Variants in CASP1 observed in about 807,000 individuals in gnomAD.
The protein encoded by CASP1 is caspase 1.
Under a neutral mutation model 41.2 loss-of-function variants are expected in CASP1, and 31 were observed. The observed-to-expected ratio is 0.75, with a 90% confidence interval of 0.57 to 1.02. The LOEUF (loss-of-function observed/expected upper bound fraction) is 1.02. CASP1 is among the 50% of genes least tolerant of loss of function. The pLI is 0.00. For synonymous variants in CASP1, 163 were observed against 166.5 expected (o/e 0.98, Z 0.16); for missense variants, 490 against 495.7 (o/e 0.99, Z 0.11).
At chr11:105,027,481 A>T (rs1313667928) in intron 7 of CASP1, among the ~76,000 whole-genome samples, 4 of 152,154 alleles carry the variant, frequency 2.6e-5, no homozygotes, top group African/African-American at 9.7e-5. Context: ...TGGAGGAAAA[A>T]AGTTCTTATG....
Position 105,026,352 on chromosome 11 carries a change from C to A in CASP1, c.1121G>T (p.Arg374Leu). Residue 374 changes from arginine (R) to leucine (L), a missense_variant, in exon 9 of 9, where the codon CGA becomes CTA. Coordinates refer to ENST00000533400, the MANE Select transcript of CASP1 (RefSeq NM_001257118.3). Reference sequence around the variant, plus strand: ...ACCATCTGGCTGCTCAAATGAAAATCGAACCTAAAAGAGTAAGGAAAGTCT... The same window carrying A: ...ACCATCTGGCTGCTCAAATGAAAATAGAACCTAAAAGAGTAAGGAAAGTCT... ...CDVEEIFRKVRFSFEQPDGRA... is the reference protein window; with the variant it reads ...CDVEEIFRKVLFSFEQPDGRA... 1 of 1,606,084 alleles carries A rather than the reference C, an allele frequency of 6.2e-7. No homozygotes were observed. The highest frequency in any genetic ancestry group is 8.5e-7 in the Non-Finnish European group (1 of 1,173,930).
intron 6 of CASP1, 88 bp downstream of exon 6, chr11:105,029,577 C>G: frequency 3.2e-6 from 3 of 931,566 alleles, no homozygotes; most frequent in Non-Finnish European, 5.0e-6. Context: ...CATTAAAAGA[C>G]AAACCAAAAG....
intron 4 of CASP1, 24 bp downstream of exon 4, chr11:105,031,141 A>G (rs770191842): frequency 2.9e-6 from 4 of 1,360,060 alleles, no homozygotes; most frequent in Non-Finnish European, 4.2e-6. Flanking sequence ...ACCCCACTCT[A>G]TCCTTGGGTT....
chr11:105,025,745 A>T lies in CASP1; in HGVS notation c.*513T>A, dbSNP rs1393667589. 1 of 297,428 alleles carries T rather than the reference A, an allele frequency of 3.4e-6. No homozygotes were observed. The highest frequency in any genetic ancestry group is 6.5e-6 in the Non-Finnish European group (1 of 153,070). 18.4% of individuals were successfully genotyped at this position (297,428 alleles called of 1,614,324 possible). On this transcript the variant is annotated 3_prime_UTR_variant, in exon 9 of 9. Coordinates refer to ENST00000533400, the MANE Select transcript of CASP1 (RefSeq NM_001257118.3). ...TGCTATGTTTAAATATACCCTGCTG[A>T]GGTGAAGGAGAGAAACATCCAAAAG...
upstream of CASP1, among the ~76,000 whole-genome samples, chr11:105,035,618 G>GTTTTTTTTTTTTTTCTTTTTTTTTTTT (rs56746743): frequency 9.7e-6 from 1 of 103,438 alleles, no homozygotes; most frequent in Non-Finnish European, 1.8e-5. Context: ...TTTTCTTTCT[G>GTTTTTTTTTTTTTTCTTTTTTTTTTTT]TTTTTTTTTT....
At chr11:105,029,364 C>G (rs1161767630) in intron 6 of CASP1, 97 bp from the exon 7 acceptor site, 4 of 1,029,994 alleles carry the variant, frequency 3.9e-6, no homozygotes, top group South Asian at 1.6e-5. Context: ...TGTGTTTGCT[C>G]TATCATTAAT....
intron 4 of CASP1, chr11:105,030,846 T>A: frequency 2.8e-6 from 1 of 351,972 alleles, no homozygotes; most frequent in Non-Finnish European, 5.1e-6. Flanking sequence ...TCTCAGCTTC[T>A]TGATCTCTAA....
chr11:105,029,431 T>C (rs953736164), intron 6 of CASP1, among the ~76,000 whole-genome samples, 164 bp from the exon 7 acceptor site: 25 of 152,190 alleles, frequency 1.6e-4, no homozygotes, highest in Non-Finnish European at 8.8e-5. Flanking sequence ...ATGTTTATCT[T>C]TTCTAACCAT....
At chr11:105,032,030 TAAAG>T (rs1377959998) in intron 3 of CASP1, among the ~76,000 whole-genome samples, 10 of 152,210 alleles carry the variant, frequency 6.6e-5, no homozygotes, top group African/African-American at 2.4e-4. Context: ...ATGTCCTTGT[TAAAG>T]AAATTAATGT....
intron 8 of CASP1, chr11:105,026,584 G>A (rs920379223): frequency 4.8e-5 from 29 of 600,028 alleles, no homozygotes; most frequent in Non-Finnish European, 7.4e-5. Context: ...AGAGACACAG[G>A]TAAATTAGAG....
At chr11:105,034,721 C>T in intron 1 of CASP1, 1 of 651,290 alleles carries the variant, frequency 1.5e-6, no homozygotes, top group Non-Finnish European at 2.6e-6. Flanking sequence ...CAGAGATCAT[C>T]CTCTTATGTC....
intron 2 of CASP1, 84 bp downstream of exon 2, chr11:105,034,124 A>T (rs1223835302): frequency 6.2e-7 from 1 of 1,609,120 alleles, no homozygotes. Flanking sequence ...GTTTTCTTCC[A>T]ATTAACATGA....
intron 4 of CASP1, 132 bp from the exon 5 acceptor site, chr11:105,030,635 G>C: frequency 1.4e-6 from 1 of 709,254 alleles, no homozygotes; most frequent in East Asian, 2.7e-5. Flanking sequence ...ATTGAAAAGG[G>C]GGAACAGAAT....
At chr11:105,029,056 C>T in intron 7 of CASP1, 68 bp downstream of exon 7, 1 of 1,451,948 alleles carries the variant, frequency 6.9e-7, no homozygotes, top group Non-Finnish European at 9.5e-7. Flanking sequence ...ATCACCACCT[C>T]TAGTGGGTTA....
intron 3 of CASP1, 28 bp from the exon 4 acceptor site, chr11:105,031,308 A>G (rs1863685076): frequency 7.7e-7 from 1 of 1,297,172 alleles, no homozygotes; most frequent in Non-Finnish European, 1.1e-6. Flanking sequence ...CATCATGAAC[A>G]GTGGCATCCC....
rs1331541547 is a variant in CASP1 at position 105,026,289 on chromosome 11, G to T, written c.1184C>A (p.Thr395Lys). Residue 395 changes from threonine to lysine, a missense_variant, in exon 9 of 9, where the codon ACA (threonine) becomes AAA (lysine). Transcript: ENST00000533400. ...TCCTGGGAAGAGGTAGAAACATCTT[G>T]TCAAAGTCACTCTTTCAGTGGTGGG... ...QMPTTERVTLTRCFYLFPGH is the reference protein window; with the variant it reads ...QMPTTERVTLKRCFYLFPGH 1 of 1,610,678 alleles carries T rather than the reference G, an allele frequency of 6.2e-7. No individual in the cohort carries two copies. The highest frequency in any genetic ancestry group is 1.7e-5 in the Admixed American group (1 of 59,846).
chr11:105,027,201 C>G, intron 7 of CASP1: 1 of 609,142 alleles, frequency 1.6e-6, no homozygotes, highest in East Asian at 2.7e-5. Context: ...ATAGACTCAG[C>G]TAGCTATACA....
intron 7 of CASP1, among the ~76,000 whole-genome samples, chr11:105,027,434 T>C (rs1005186141): frequency 3.3e-5 from 5 of 151,742 alleles, no homozygotes; most frequent in African/African-American, 1.2e-4. Flanking sequence ...AAAGTAGAAA[T>C]CTAGGAGGAG....
intron 4 of CASP1, chr11:105,030,866 T>C (rs1383171599): frequency 2.8e-6 from 1 of 353,100 alleles, no homozygotes; most frequent in Non-Finnish European, 5.1e-6. Context: ...AAATGGGTTG[T>C]GTTTAAGGTT....
Sources: gnomAD v4.1 joint callset for allele counts (sites outside exome capture counted in the v4.1 genomes callset) on GRCh38, gnomAD v4.1.1 for gene constraint, MANE v1.5 for transcripts, NCBI Gene and HGNC (gene_info 2026-07-23, HGNC 2026-07-21) for gene names.